Variants in CHST11 observed in about 807,000 individuals in gnomAD.
CHST11 encodes carbohydrate sulfotransferase 11, also known as C4S-1.
In CHST11, 9 loss-of-function variants were observed where a neutral mutation model predicts 30.4. The ratio of observed to expected loss-of-function variants is 0.30; its 90% CI spans 0.18 to 0.52. The LOEUF is 0.52. CHST11 is among the 20% of genes least tolerant of loss of function. The pLI is 0.97. For synonymous variants in CHST11, 152 were observed against 187.8 expected (o/e 0.81, Z 1.56); for missense variants, 348 against 460.6 (o/e 0.76, Z 2.24).
intron 1 of CHST11, among the ~76,000 whole-genome samples, chr12:104,559,569 C>G (rs1221713029): frequency 6.6e-6 from 1 of 152,008 alleles, no homozygotes; most frequent in Non-Finnish European, 1.5e-5. Flanking sequence ...ATGGTAAAAC[C>G]CCCTCTCTAC....
At chr12:104,679,542 G>C (rs139670914) in intron 2 of CHST11, among the ~76,000 whole-genome samples, 35 of 152,280 alleles carry the variant, frequency 2.3e-4, no homozygotes, top group African/African-American at 6.3e-4. Context: ...GGAATGGAGA[G>C]AGCCCTCATG....
At chr12:104,668,729 C>T (rs557437589) in intron 2 of CHST11, among the ~76,000 whole-genome samples, 3 of 152,298 alleles carry the variant, frequency 2.0e-5, no homozygotes, top group Admixed American at 1.3e-4. Context: ...ATGTATGGGT[C>T]ATGGCGGAAG....
intron 2 of CHST11, among the ~76,000 whole-genome samples, chr12:104,628,177 C>T (rs1299707408): frequency 2.0e-5 from 3 of 152,188 alleles, no homozygotes; most frequent in South Asian, 2.1e-4. Flanking sequence ...AGGGCCCCGA[C>T]ATTCGCCATT....
chr12:104,638,168 T>C (rs984078294), intron 2 of CHST11, among the ~76,000 whole-genome samples: 5 of 150,046 alleles, frequency 3.3e-5, no homozygotes, highest in African/African-American at 1.2e-4. Flanking sequence ...AGGAGCAAAA[T>C]GAGAAGGAGC....
rs113188739 is a variant in CHST11, at chr12:104,741,137, A to C, written c.205-15812A>C. Among the ~76,000 whole-genome samples, 1,068 of 152,342 alleles carry C rather than the reference A, an allele frequency of 7.0e-3. 12 individuals are homozygous for C. Among genetic ancestry groups the C allele is most frequent in the African/African-American group, 0.024 (1,017 of 41,564 alleles). On this transcript the variant is annotated intron_variant, in intron 2 of 2. Coordinates refer to ENST00000303694, the MANE Select transcript of CHST11 (RefSeq NM_018413.6). ...TGCCCTGGAGGGAGGGCATGAGTTG[A>C]GCTCACATTGTTCATAGTGACATTA...
At chr12:104,535,039 A>G (rs1293621998) in intron 1 of CHST11, among the ~76,000 whole-genome samples, 2 of 152,240 alleles carry the variant, frequency 1.3e-5, no homozygotes, top group African/African-American at 4.8e-5. Flanking sequence ...GATTCTGGCT[A>G]GAAGATGACA....
intron 2 of CHST11, among the ~76,000 whole-genome samples, chr12:104,673,485 A>T (rs1347302917): frequency 6.6e-6 from 1 of 152,182 alleles, no homozygotes; most frequent in Non-Finnish European, 1.5e-5. Flanking sequence ...TCACCTGTAA[A>T]ATGGGAATGA....
At chr12:104,604,725 A>G (rs2038987122) in intron 2 of CHST11, among the ~76,000 whole-genome samples, 1 of 152,116 alleles carries the variant, frequency 6.6e-6, no homozygotes, top group Non-Finnish European at 1.5e-5. Context: ...GTTGCTAGAA[A>G]CCAAACTGCT....
intron 1 of CHST11, chr12:104,513,928 T>A (rs1565970188): frequency 1.6e-5 from 8 of 514,020 alleles, no homozygotes; most frequent in East Asian, 7.8e-5. Context: ...TATAAAGGAA[T>A]ACCTGAGGCT....
chr12:104,531,313 A>G (rs530262521), intron 1 of CHST11, among the ~76,000 whole-genome samples: 2 of 152,130 alleles, frequency 1.3e-5, no homozygotes, highest in South Asian at 4.2e-4. Context: ...ACATAGTGGG[A>G]CCTTGCCTTT....
chr12:104,502,034 T>A (rs533159763), intron 1 of CHST11, among the ~76,000 whole-genome samples: 135 of 100,738 alleles, frequency 1.3e-3, no homozygotes, highest in African/African-American at 5.0e-3. Context: ...CTTTTTTACT[T>A]TTTTTTTTTT....
At chr12:104,598,676 A>G (rs2038928971) in intron 1 of CHST11, among the ~76,000 whole-genome samples, 1 of 152,220 alleles carries the variant, frequency 6.6e-6, no homozygotes, top group Non-Finnish European at 1.5e-5. Context: ...GAGAAACTCT[A>G]GTTTTTGGAA....
chr12:104,637,590 A>C (rs1013862678), intron 2 of CHST11, among the ~76,000 whole-genome samples: 1 of 152,050 alleles, frequency 6.6e-6, no homozygotes, highest in African/African-American at 2.4e-5. Context: ...TTCCTGTTGC[A>C]CTTAGAATAA....
At chr12:104,557,885 G>T (rs569179718) in intron 1 of CHST11, among the ~76,000 whole-genome samples, 1 of 152,114 alleles carries the variant, frequency 6.6e-6, no homozygotes, top group Non-Finnish European at 1.5e-5. Context: ...AGAAGCCTTC[G>T]TGGGGGTGTA....
intron 1 of CHST11, among the ~76,000 whole-genome samples, chr12:104,575,263 T>A (rs984130175): frequency 6.6e-6 from 1 of 152,098 alleles, no homozygotes; most frequent in African/African-American, 2.4e-5. Context: ...GTGACGGGGC[T>A]TTGTGTTTGC....
intron 1 of CHST11, among the ~76,000 whole-genome samples, chr12:104,554,291 A>G (rs1324281518): frequency 2.0e-5 from 3 of 152,112 alleles, no homozygotes; most frequent in African/African-American, 7.2e-5. Context: ...GAGGGGACCG[A>G]GGGTTTGACA....
intron 2 of CHST11, among the ~76,000 whole-genome samples, chr12:104,704,000 A>C (rs983813730): frequency 1.3e-5 from 2 of 152,158 alleles, no homozygotes; most frequent in Non-Finnish European, 2.9e-5. Flanking sequence ...CCTGGTTCGT[A>C]GCTGATTCTC....
intron 2 of CHST11, among the ~76,000 whole-genome samples, chr12:104,662,548 A>G (rs528340898): frequency 3.2e-4 from 48 of 152,352 alleles, no homozygotes; most frequent in African/African-American, 1.0e-3. Context: ...GCCATTTCCT[A>G]ACTCTTGCAA....
intron 1 of CHST11, among the ~76,000 whole-genome samples, chr12:104,572,228 T>G (rs980245679): frequency 3.3e-5 from 5 of 152,076 alleles, no homozygotes; most frequent in African/African-American, 9.7e-5. Context: ...GCTGGCCTCA[T>G]AAAATGAGTT....
Sources: gnomAD v4.1 joint callset for allele counts (sites outside exome capture counted in the v4.1 genomes callset) on GRCh38, gnomAD v4.1.1 for gene constraint, MANE v1.5 for transcripts, NCBI Gene and HGNC (gene_info 2026-07-23, HGNC 2026-07-21) for gene names.